Variants in PTPRG observed in about 807,000 individuals in gnomAD.
PTPRG encodes protein tyrosine phosphatase receptor type G.
A neutral mutation model predicts 165.3 loss-of-function variants in PTPRG; 102 were observed. That is an observed-to-expected ratio of 0.62 (90% confidence interval 0.53 to 0.73). PTPRG has a LOEUF of 0.73. Ranked by LOEUF, PTPRG falls within the 30% of genes least tolerant of loss-of-function variation. The pLI, the probability that PTPRG is intolerant of heterozygous loss-of-function variation, is 0.00. For synonymous variants in PTPRG, 675 were observed against 669.5 expected, an observed-to-expected ratio of 1.01 and a Z score of -0.13; for missense variants, 1,866 against 1,861.4, an observed-to-expected ratio of 1.00 and a Z score of -0.05.
At position 62,293,807 on chromosome 3, in the gene PTPRG, C is replaced by A. The variant is rs901613803; in HGVS notation, c.*500C>A. ...TTAATGGAGTGGATAGCATTGTTTT[C>A]TTTTACAGACTAGCAGGCTACTGGG... On this transcript the variant is annotated 3_prime_UTR_variant, in exon 30 of 30. Transcript: ENST00000474889. The A allele has an allele frequency of 6.6e-6, 1 of 152,408 alleles. No homozygotes were observed. Among genetic ancestry groups the A allele is most frequent in the Non-Finnish European group, 1.5e-5 (1 of 67,990 alleles). The allele number at this position is 152,408 out of a possible 1,614,324, so 9.4% of individuals were successfully genotyped here. A position where few individuals can be genotyped will look rare whatever the true frequency, so the allele number is the denominator to read the frequency against.
intron 1 of PTPRG, among the ~76,000 whole-genome samples, chr3:61,631,501 T>C (rs1701774320): frequency 6.6e-6 from 1 of 152,236 alleles, no homozygotes; most frequent in Non-Finnish European, 1.5e-5. Flanking sequence ...AACTTTATCA[T>C]GGATATAGTT....
At chr3:62,282,962 C>T (rs1702510362) in intron 28 of PTPRG, 93 bp downstream of exon 28, 1 of 1,192,886 alleles carries the variant, frequency 8.4e-7, no homozygotes, top group South Asian at 1.4e-5. Flanking sequence ...AATTTTAAAA[C>T]CTATCAACAA....
Position 61,943,580 on chromosome 3 carries a change from A to G in PTPRG, c.191-46045A>G, listed in dbSNP as rs145277593. ...GCAACAGAGTGAGACTCTGTCTCAA[A>G]ATAATAATAATAATTTTTACCTTGT... On this transcript the variant is annotated intron_variant, in intron 2 of 29. Coordinates refer to ENST00000474889, the MANE Select transcript of PTPRG (RefSeq NM_002841.4). Among the ~76,000 whole-genome samples the G allele has an allele frequency of 3.4e-3, 515 of 152,308 alleles. 1 individual carries two copies. The highest frequency in any genetic ancestry group is 0.012 in the African/African-American group (497 of 41,560).
At chr3:61,620,681 T>A (rs905006010) in intron 1 of PTPRG, among the ~76,000 whole-genome samples, 1 of 151,996 alleles carries the variant, frequency 6.6e-6, no homozygotes, top group Admixed American at 6.6e-5. Flanking sequence ...CAGGCTGGAG[T>A]GCAATAGTGC....
chr3:61,648,665 C>T (rs1220723120), intron 1 of PTPRG, among the ~76,000 whole-genome samples: 2 of 152,194 alleles, frequency 1.3e-5, no homozygotes, highest in African/African-American at 4.8e-5. Context: ...AACACACACT[C>T]ATTTGGCTGC....
intron 2 of PTPRG, among the ~76,000 whole-genome samples, chr3:61,871,395 T>TA (rs901281452): frequency 2.0e-5 from 3 of 151,978 alleles, no homozygotes; most frequent in African/African-American, 7.2e-5. Flanking sequence ...TCTAGCTAAT[T>TA]AAAAAAAATT....
intron 2 of PTPRG, among the ~76,000 whole-genome samples, chr3:61,984,093 T>A (rs2040702531): frequency 6.6e-6 from 1 of 152,158 alleles, no homozygotes; most frequent in African/African-American, 2.4e-5. Context: ...TTGGAATTAA[T>A]CTCCAATTGT....
At chr3:62,038,171 A>T (rs563312341) in intron 4 of PTPRG, among the ~76,000 whole-genome samples, 1 of 152,276 alleles carries the variant, frequency 6.6e-6, no homozygotes, top group African/African-American at 2.4e-5. Context: ...AGGGTTTTGG[A>T]AATTAAATGA....
At chr3:62,193,685 G>A (rs1009408448) in intron 9 of PTPRG, among the ~76,000 whole-genome samples, 2 of 152,200 alleles carry the variant, frequency 1.3e-5, no homozygotes, top group African/African-American at 4.8e-5. Context: ...TAAATAACAT[G>A]GCCCTAGCCT....
chr3:62,225,964 C>T (rs369150094), intron 13 of PTPRG, among the ~76,000 whole-genome samples: 1 of 152,084 alleles, frequency 6.6e-6, no homozygotes, highest in Non-Finnish European at 1.5e-5. Flanking sequence ...AAGCAAAGAA[C>T]CTTTTATGAC....
intron 5 of PTPRG, among the ~76,000 whole-genome samples, chr3:62,100,735 G>T (rs187494451): frequency 6.6e-4 from 101 of 152,336 alleles, no homozygotes; most frequent in African/African-American, 2.4e-3. Flanking sequence ...TACTAGTAAA[G>T]ACTTTATGGA....
At chr3:61,688,193 C>T (rs1438973233) in intron 1 of PTPRG, among the ~76,000 whole-genome samples, 3 of 152,144 alleles carry the variant, frequency 2.0e-5, no homozygotes, top group Non-Finnish European at 4.4e-5. Flanking sequence ...CTGGACTAAT[C>T]CATGTTTCCA....
At chr3:62,001,610 ATATAT>A (rs1279730508) in intron 3 of PTPRG, among the ~76,000 whole-genome samples, 2 of 151,302 alleles carry the variant, frequency 1.3e-5, no homozygotes, top group Non-Finnish European at 1.5e-5. Flanking sequence ...GTATATATAG[ATATAT>A]TTTATATAAG....
chr3:61,903,844 CTTAA>C (rs1237346361), intron 2 of PTPRG, among the ~76,000 whole-genome samples: 1 of 152,116 alleles, frequency 6.6e-6, no homozygotes, highest in African/African-American at 2.4e-5. Flanking sequence ...GTGGTCTGTA[CTTAA>C]TTATTTTTAT....
chr3:61,912,220 A>G (rs575351744), intron 2 of PTPRG, among the ~76,000 whole-genome samples: 3 of 152,128 alleles, frequency 2.0e-5, no homozygotes, highest in African/African-American at 4.8e-5. Flanking sequence ...TTCTTTATAT[A>G]TAATTTCCAT....
intron 2 of PTPRG, chr3:61,771,506 T>A (rs2034207109): frequency 6.6e-6 from 1 of 152,214 alleles, no homozygotes; most frequent in African/African-American, 2.4e-5. Context: ...GTTCAGTCAC[T>A]TAAGATCATC....
intron 12 of PTPRG, among the ~76,000 whole-genome samples, chr3:62,209,899 G>A (rs1476452853): frequency 1.3e-5 from 2 of 152,156 alleles, no homozygotes; most frequent in Admixed American, 6.5e-5. Flanking sequence ...GTTGCAGCAG[G>A]TGGCATATTT....
At chr3:61,707,376 C>T (rs1368511336) in intron 1 of PTPRG, among the ~76,000 whole-genome samples, 2 of 152,196 alleles carry the variant, frequency 1.3e-5, no homozygotes, top group African/African-American at 4.8e-5. Context: ...CAAGATCTGC[C>T]TGTTGGCCAG....
chr3:61,682,276 T>A (rs1703474177), intron 1 of PTPRG, among the ~76,000 whole-genome samples: 1 of 152,018 alleles, frequency 6.6e-6, no homozygotes, highest in Admixed American at 6.6e-5. Context: ...TTGATAATTC[T>A]ACTATGATTA....
Sources: gnomAD v4.1 joint callset for allele counts (sites outside exome capture counted in the v4.1 genomes callset) on GRCh38, gnomAD v4.1.1 for gene constraint, MANE v1.5 for transcripts, NCBI Gene and HGNC (gene_info 2026-07-23, HGNC 2026-07-21) for gene names.